MAN2B2: variants seen among roughly 807,000 people sequenced by gnomAD.
MAN2B2 encodes the protein mannosidase alpha class 2B member 2.
In MAN2B2, 106 loss-of-function variants were observed where a neutral mutation model predicts 117.1. That is an observed-to-expected ratio of 0.90 (90% CI 0.77 to 1.06). The LOEUF is 1.06. MAN2B2 is among the 50% of genes least tolerant of loss of function. The pLI is 0.00. For synonymous variants in MAN2B2, 544 were observed against 595.1 expected, an observed-to-expected ratio of 0.91 and a Z score of 1.25; for missense variants, 1,326 against 1,381.4, an observed-to-expected ratio of 0.96 and a Z score of 0.64.
At position 6,620,013 on chromosome 4, in the gene MAN2B2, G is replaced by A. The variant is rs374780901; in HGVS notation, c.2901G>A (p.Trp967Ter). 1.5e-5 allele frequency: 25 copies of A among 1,613,434 alleles called. No homozygotes were observed. Among genetic ancestry groups the A allele is most frequent in the East Asian group, 8.9e-5 (4 of 44,868 alleles). Reference protein sequence around the residue: ...GTWDLSMLHRWSWRTGPGRHR... With the variant: ...GTWDLSMLHR ...GGGATTTGAGCATGCTGCACCGCTG[G>A]AGCTGGAGGACGGGGCCTGGCCGCC... is the stretch of plus-strand genomic sequence containing the variant. The change falls in exon 18 of 19, where the codon TGG (tryptophan) becomes TGA (stop). Residue 967 changes from tryptophan to a stop codon, truncating the protein, a stop_gained. Coordinates refer to ENST00000285599, the MANE Select transcript of MAN2B2 (RefSeq NM_015274.3). LOFTEE classifies it low-confidence loss of function (END_TRUNC).
At chr4:6,600,508 T>C (rs1320660796) in intron 9 of MAN2B2, 115 bp from the exon 10 acceptor site, 2 of 1,266,302 alleles carry the variant, frequency 1.6e-6, no homozygotes, top group Non-Finnish European at 2.2e-6. Context: ...CTGGGAGTTC[T>C]GGAGGGCTGC....
chr4:6,605,596 C>G (rs1054014376), intron 11 of MAN2B2, among the ~76,000 whole-genome samples: 7 of 152,088 alleles, frequency 4.6e-5, no homozygotes, highest in African/African-American at 1.7e-4. Flanking sequence ...AAAAAAATTA[C>G]CACTTTTTTT....
rs900635882 is a variant in MAN2B2 at position 6,593,405 on chromosome 4, A to C, written c.858+55A>C. The C allele has an allele frequency of 4.2e-5, 65 of 1,539,016 alleles. No homozygotes were observed. The African/African-American group carries it at 8.7e-4, about 20-fold the overall frequency. On this transcript the variant is annotated intron_variant, in intron 6 of 18. Coordinates refer to ENST00000285599, the MANE Select transcript of MAN2B2 (RefSeq NM_015274.3). Reference sequence around the variant, plus strand: ...CAACACAGCCCAAGGAGCACTATGCAAGCCCTGGTCCCTGCACCCAGGGCC... The same window carrying C: ...CAACACAGCCCAAGGAGCACTATGCCAGCCCTGGTCCCTGCACCCAGGGCC...
chr4:6,596,819 G>A (rs1205850519), intron 7 of MAN2B2, among the ~76,000 whole-genome samples: 1 of 152,160 alleles, frequency 6.6e-6, no homozygotes, highest in African/African-American at 2.4e-5. Flanking sequence ...CCCTGGGCTT[G>A]CCTCCGATCA....
intron 4 of MAN2B2, among the ~76,000 whole-genome samples, chr4:6,588,701 ACT>A (rs1438748535): frequency 1.3e-5 from 2 of 152,034 alleles, no homozygotes; most frequent in African/African-American, 2.4e-5. Flanking sequence ...ACAGAGTGAG[ACT>A]CTGTAAAAAA....
At chr4:6,587,750 GT>G (rs201846526) in intron 4 of MAN2B2, among the ~76,000 whole-genome samples, 2,461 of 113,298 alleles carry the variant, frequency 0.022, 34 homozygotes, top group African/African-American at 0.081. Context: ...TTGGGTTGTT[GT>G]TTTTTTTTTT....
At chr4:6,592,195 G>A (rs1388323763) in intron 5 of MAN2B2, among the ~76,000 whole-genome samples, 7 of 152,232 alleles carry the variant, frequency 4.6e-5, no homozygotes, top group African/African-American at 9.6e-5. Flanking sequence ...AACACTGGCC[G>A]GGATTAATTA....
At chr4:6,579,316 C>T (rs867704705) in intron 3 of MAN2B2, among the ~76,000 whole-genome samples, 22 of 80,408 alleles carry the variant, frequency 2.7e-4, no homozygotes, top group Non-Finnish European at 4.3e-4. Context: ...ACCACCACCA[C>T]CATCACCACC....
In MAN2B2 at chr4:6,576,238, C is replaced by T. The variant is rs564011625; in HGVS notation, c.139-340C>T. 7.9e-5 allele frequency among the ~76,000 whole-genome samples: 12 copies of T among 152,326 alleles called. No individual in the cohort carries two copies. The South Asian group carries it at 1.7e-3, about 21-fold the overall frequency. ...CCTAAGACTTTCCTGTGCTGCCCCT[C>T]AATGGCACACTCAGGGCCCAGCCCC... On this transcript the variant is annotated intron_variant, in intron 1 of 18. Transcript: ENST00000285599.
intron 17 of MAN2B2, chr4:6,619,512 C>T (rs1029672762): frequency 3.2e-4 from 54 of 171,404 alleles, no homozygotes; most frequent in Admixed American, 7.2e-4. Flanking sequence ...CCTGCCTCCC[C>T]TAGGTGTAAG....
At chr4:6,579,168 C>A (rs796384500) in intron 3 of MAN2B2, among the ~76,000 whole-genome samples, 1 of 73,720 alleles carries the variant, frequency 1.4e-5, no homozygotes, top group South Asian at 6.2e-4. Flanking sequence ...ATCACCACCA[C>A]CACCACCACC....
chr4:6,601,510 A>AG (rs922721443), intron 10 of MAN2B2, among the ~76,000 whole-genome samples: 19 of 151,924 alleles, frequency 1.3e-4, no homozygotes, highest in Admixed American at 3.3e-4. Context: ...CAAAAAAAAA[A>AG]AAAAAAGAAA....
At position 6,587,172 on chromosome 4, in the gene MAN2B2, A is replaced by C; in HGVS notation, c.564+4A>C. The stretch of plus-strand genomic sequence containing the variant: ...GGCAGCCATGCAGGAGGCCCGGGTG[A>C]GTGGTGTGCCGCGTCTGCTGCCGCC... On this transcript the variant is annotated splice_donor_region_variant and intron_variant, in intron 4 of 18. Transcript: ENST00000285599. The C allele has an allele frequency of 6.2e-7, 1 of 1,610,846 alleles. No homozygotes were observed. The highest frequency in any genetic ancestry group is 2.2e-5 in the East Asian group (1 of 44,828).
intron 5 of MAN2B2, among the ~76,000 whole-genome samples, chr4:6,590,477 G>A (rs983636999): frequency 2.6e-4 from 40 of 152,120 alleles, no homozygotes; most frequent in Non-Finnish European, 5.6e-4. Context: ...TTCTGCTCTC[G>A]CCTCGCCTGT....
intron 10 of MAN2B2, among the ~76,000 whole-genome samples, chr4:6,602,111 A>C (rs1162701974): frequency 6.6e-6 from 1 of 152,196 alleles, no homozygotes; most frequent in Non-Finnish European, 1.5e-5. Flanking sequence ...AGTGAGGAAG[A>C]GGTGGAGCAG....
At chr4:6,607,364 A>C (rs1210251647) in intron 11 of MAN2B2, among the ~76,000 whole-genome samples, 2 of 152,030 alleles carry the variant, frequency 1.3e-5, no homozygotes, top group African/African-American at 4.8e-5. Flanking sequence ...ATACCACCAC[A>C]CCCAGCTAAT....
chr4:6,600,509 G>T, intron 9 of MAN2B2, 114 bp from the exon 10 acceptor site: 1 of 1,270,318 alleles, frequency 7.9e-7, no homozygotes, highest in African/African-American at 1.5e-5. Flanking sequence ...TGGGAGTTCT[G>T]GAGGGCTGCA....
chr4:6,609,401 CG>C, intron 12 of MAN2B2, 103 bp downstream of exon 12: 3 of 1,183,918 alleles, frequency 2.5e-6, no homozygotes, highest in Non-Finnish European at 3.6e-6. Context: ...CCCCAGCTTC[CG>C]GGCCGTGGTT....
chr4:6,609,587 C>T (rs989151011), intron 12 of MAN2B2: 19 of 653,628 alleles, frequency 2.9e-5, no homozygotes, highest in African/African-American at 9.1e-5. Flanking sequence ...AAGGCAGGCC[C>T]GGCATGGCAG....
Sources: allele counts gnomAD v4.1 joint callset (sites outside exome capture counted in the v4.1 genomes callset), GRCh38; gene constraint gnomAD v4.1.1; transcripts MANE v1.5; gene names NCBI Gene and HGNC (gene_info 2026-07-23, HGNC 2026-07-21).